SGK1: variants seen among roughly 807,000 people sequenced by gnomAD.
The protein encoded by SGK1 is serum/glucocorticoid regulated kinase 1.
SGK1 carries 26 observed loss-of-function variants against 64.2 expected under a neutral mutation model. The observed-to-expected ratio is 0.40, with a 90% CI of 0.30 to 0.56. SGK1 has a LOEUF of 0.56. SGK1 is among the 20% of genes least tolerant of loss of function. SGK1 has a pLI of 0.38. For synonymous variants in SGK1, 265 were observed against 239.7 expected (o/e 1.11, Z -0.98); for missense variants, 519 against 645.6 (o/e 0.80, Z 2.12).
At chr6:134,255,433 A>G (rs1338370343) in intron 2 of SGK1, among the ~76,000 whole-genome samples, 1 of 151,964 alleles carries the variant, frequency 6.6e-6, no homozygotes, top group Non-Finnish European at 1.5e-5. Flanking sequence ...CTATAATCCC[A>G]GCACTTTGGG....
At chr6:134,297,050 G>C in intron 1 of SGK1, 1 of 454,246 alleles carries the variant, frequency 2.2e-6, no homozygotes, top group Non-Finnish European at 4.3e-6. Context: ...TGCGGGTCTC[G>C]ATCTTCTTCA....
At chr6:134,309,371 G>C (rs4596496) in intron 1 of SGK1, among the ~76,000 whole-genome samples, 56,816 of 151,932 alleles carry the variant, frequency 0.37, 10,940 homozygotes, top group East Asian at 0.55. Context: ...TCCTCCTCCT[G>C]CACCTCCTTC....
In SGK1 at chr6:134,177,233, AACAAAAC is replaced by A. The variant is rs1478814323; in HGVS notation, c.362-2654_362-2648del. Among the ~76,000 whole-genome samples, 5 of 109,850 alleles carry A rather than the reference AACAAAAC, an allele frequency of 4.6e-5. 1 individual carries two copies. In the East Asian group the frequency reaches 6.1e-4, roughly 13 times the overall value. 72.1% of individuals were successfully genotyped at this position (109,850 alleles called of 152,430 possible). On this transcript the variant is annotated intron_variant, in intron 3 of 13. Coordinates refer to ENST00000367858, the MANE Select transcript of SGK1 (RefSeq NM_001143676.3). Reference sequence around the variant, plus strand: ...GTCTCAAAACAAACAAACAAACAAAAACAAAACAAAAACAAAAACAAAAAAAACACTA... The same window carrying A: ...GTCTCAAAACAAACAAACAAACAAAAAAAAACAAAAACAAAAAAAACACTA...
intron 3 of SGK1, among the ~76,000 whole-genome samples, chr6:134,204,267 A>G (rs1775732822): frequency 6.8e-6 from 1 of 146,172 alleles, no homozygotes; most frequent in East Asian, 2.0e-4. Flanking sequence ...TAAATAAATA[A>G]TTACTCTAGA....
intron 3 of SGK1, among the ~76,000 whole-genome samples, chr6:134,204,472 G>GAAAA (rs71003675): frequency 6.1e-5 from 7 of 114,826 alleles, no homozygotes; most frequent in African/African-American, 2.4e-4. Context: ...TCCATCTCAG[G>GAAAA]AAAAAAAAAA....
At chr6:134,197,859 T>A (rs34429780) in intron 3 of SGK1, among the ~76,000 whole-genome samples, 1,547 of 139,528 alleles carry the variant, frequency 0.011, 28 homozygotes, top group East Asian at 0.014. Context: ...AAAATAAAAT[T>A]AAATTAAAAT....
chr6:134,185,898 AGAGT>A (rs2114659245), intron 3 of SGK1, among the ~76,000 whole-genome samples: 1 of 152,218 alleles, frequency 6.6e-6, no homozygotes, highest in African/African-American at 2.4e-5. Flanking sequence ...CAGTTCCAGG[AGAGT>A]GAGTGACCTA....
chr6:134,212,252 A>C (rs1001919156), intron 2 of SGK1, among the ~76,000 whole-genome samples: 3 of 151,872 alleles, frequency 2.0e-5, no homozygotes, highest in Admixed American at 1.3e-4. Flanking sequence ...ACGGGGTTTC[A>C]TCATGTTAGC....
intron 1 of SGK1, among the ~76,000 whole-genome samples, chr6:134,308,518 C>T (rs1226755908): frequency 1.3e-5 from 2 of 152,154 alleles, no homozygotes; most frequent in East Asian, 1.9e-4. Flanking sequence ...TGGGTTAGAA[C>T]GAGAATCCTT....
chr6:134,199,235 A>C (rs904914648), intron 3 of SGK1, among the ~76,000 whole-genome samples: 2 of 152,140 alleles, frequency 1.3e-5, no homozygotes, highest in African/African-American at 4.8e-5. Context: ...GTGATGAAAC[A>C]GTCTGCACAA....
intron 2 of SGK1, among the ~76,000 whole-genome samples, chr6:134,227,783 G>A (rs1413733933): frequency 6.6e-6 from 1 of 152,022 alleles, no homozygotes; most frequent in African/African-American, 2.4e-5. Flanking sequence ...AAATACGCAC[G>A]TACTAAAAGC....
At chr6:134,233,411 C>G in intron 2 of SGK1, among the ~76,000 whole-genome samples, 1 of 152,206 alleles carries the variant, frequency 6.6e-6, no homozygotes, top group Non-Finnish European at 1.5e-5. Flanking sequence ...TCTGAGGATT[C>G]TCCTTTAGGT....
chr6:134,298,399 T>C, intron 1 of SGK1: 1 of 1,158,702 alleles, frequency 8.6e-7, no homozygotes, highest in South Asian at 1.2e-5. Context: ...GGCAAACTTG[T>C]TGCTGAGGGT....
chr6:134,232,411 A>AAGAAAAGAAAGAAAGCGAGAGAGAGAG (rs771204086), intron 2 of SGK1, among the ~76,000 whole-genome samples: 1 of 30,280 alleles, frequency 3.3e-5, no homozygotes, highest in African/African-American at 1.0e-4. Context: ...AAAAGAAAGA[A>AAGAAAAGAAAGAAAGCGAGAGAGAGAG]AGAGAAAGAA....
chr6:134,183,848 ACCCC>A (rs1775374788), intron 3 of SGK1, among the ~76,000 whole-genome samples: 1 of 80,126 alleles, frequency 1.2e-5, no homozygotes, highest in Non-Finnish European at 2.5e-5. Context: ...ACCTGTCCCC[ACCCC>A]ACCCCCACCC....
chr6:134,193,248 A>G (rs534319268), intron 3 of SGK1, among the ~76,000 whole-genome samples: 1 of 152,352 alleles, frequency 6.6e-6, no homozygotes, highest in Non-Finnish European at 1.5e-5. Context: ...GTACGTTATA[A>G]GTCCTCACTA....
At chr6:134,301,380 G>A (rs1335694739) in intron 1 of SGK1, among the ~76,000 whole-genome samples, 1 of 152,126 alleles carries the variant, frequency 6.6e-6, no homozygotes, top group Admixed American at 6.6e-5. Flanking sequence ...TTATTGGTAA[G>A]ACAGAGCAGG....
chr6:134,254,898 T>C lies in SGK1; in HGVS notation c.285+7035A>G, dbSNP rs565855783. 7.2e-5 allele frequency among the ~76,000 whole-genome samples: 11 copies of C among 152,320 alleles called. No individual in the cohort carries two copies. In the South Asian group the frequency reaches 2.1e-3, roughly 29 times the overall value. Reference sequence around the variant, plus strand: ...TTTTTTCTTTTTTGAGACAGAGTTTTGCTCTTGTTGCCCAGGTTAGAGTGC... The same window carrying C: ...TTTTTTCTTTTTTGAGACAGAGTTTCGCTCTTGTTGCCCAGGTTAGAGTGC... On this transcript the variant is annotated intron_variant, in intron 2 of 13. Transcript: ENST00000367858.
rs569163770 is a variant in SGK1, at chr6:134,272,217, C to T, written c.70-10069G>A. 1.2e-4 allele frequency among the ~76,000 whole-genome samples: 18 copies of T among 144,136 alleles called. 1 individual carries two copies. The South Asian group carries it at 2.1e-3, about 17-fold the overall frequency. The allele number at this position is 144,136 out of a possible 152,430, so 94.6% of individuals were successfully genotyped here. The stretch of plus-strand genomic sequence containing the variant: ...GTGCAGTAGTATGATCTCAGCTCAC[C>T]GCAACCTCCCGTTCCTGGGTTCAAG... On this transcript the variant is annotated intron_variant, in intron 1 of 13. Coordinates refer to ENST00000367858, the MANE Select transcript of SGK1 (RefSeq NM_001143676.3).
Sources: allele counts gnomAD v4.1 joint callset (sites outside exome capture counted in the v4.1 genomes callset), GRCh38; gene constraint gnomAD v4.1.1; transcripts MANE v1.5; gene names NCBI Gene and HGNC (gene_info 2026-07-23, HGNC 2026-07-21).